Variants in ST6GALNAC3 observed in about 807,000 individuals in gnomAD.
ST6GALNAC3 encodes the protein alpha-N-acetylgalactosaminide alpha-2,6-sialyltransferase 3.
A neutral mutation model predicts 32.7 loss-of-function variants in ST6GALNAC3; 25 were observed. The observed-to-expected ratio is 0.76, with a 90% CI of 0.56 to 1.07. The LOEUF is 1.07. Among genes scored for constraint, ST6GALNAC3 ranks in the 50% least tolerant of loss-of-function variants. The probability of loss-of-function intolerance (pLI) is 0.00; values close to 1 mark genes in which losing one functional copy is unlikely to be tolerated. For missense variants in ST6GALNAC3, 355 were observed against 382.4 expected (o/e 0.93, Z 0.60); for synonymous variants, 129 against 133.1 (o/e 0.97, Z 0.21).
chr1:76,601,759 G>A (rs1012707521), intron 3 of ST6GALNAC3, among the ~76,000 whole-genome samples: 3 of 152,198 alleles, frequency 2.0e-5, no homozygotes, highest in African/African-American at 7.2e-5. Flanking sequence ...TAAGAAGGGG[G>A]AAGAAGCCTT....
chr1:76,075,999 C>G (rs912911431), intron 1 of ST6GALNAC3, among the ~76,000 whole-genome samples: 10 of 152,204 alleles, frequency 6.6e-5, no homozygotes, highest in Non-Finnish European at 1.5e-4. Flanking sequence ...AAATAAGAGA[C>G]TAACCTCGTA....
At chr1:76,233,532 G>A (rs1656485548) in intron 1 of ST6GALNAC3, among the ~76,000 whole-genome samples, 1 of 152,186 alleles carries the variant, frequency 6.6e-6, no homozygotes, top group South Asian at 2.1e-4. Flanking sequence ...CAAAGGGCAT[G>A]CACTGGTATG....
In ST6GALNAC3 at chr1:76,355,319, T is replaced by A. The variant is rs115569946; in HGVS notation, c.213+41320T>A. Among the ~76,000 whole-genome samples the A allele has an allele frequency of 3.1e-3, 470 of 152,364 alleles. 3 individuals are homozygous for A. The highest frequency in any genetic ancestry group is 0.01 in the African/African-American group (432 of 41,592). ...TTGTAAAGAAAGAAAATAGAAATTA[T>A]GTATATTCCTACCAAAGACAATTTC... On this transcript the variant is annotated intron_variant, in intron 2 of 4. Coordinates refer to ENST00000328299, the MANE Select transcript of ST6GALNAC3 (RefSeq NM_152996.4).
intron 3 of ST6GALNAC3, among the ~76,000 whole-genome samples, chr1:76,461,253 G>C (rs182655806): frequency 2.6e-5 from 4 of 152,246 alleles, no homozygotes; most frequent in Admixed American, 2.6e-4. Flanking sequence ...ATAGTGAACA[G>C]TTATCATTTG....
chr1:76,414,610 G>A (rs924499652), intron 3 of ST6GALNAC3, among the ~76,000 whole-genome samples: 1 of 152,006 alleles, frequency 6.6e-6, no homozygotes, highest in Non-Finnish European at 1.5e-5. Context: ...AACTTATAGA[G>A]ACACTAGTGG....
At chr1:76,517,832 G>T (rs1457208274) in intron 3 of ST6GALNAC3, among the ~76,000 whole-genome samples, 1 of 151,902 alleles carries the variant, frequency 6.6e-6, no homozygotes, top group East Asian at 1.9e-4. Flanking sequence ...TATGCAATTG[G>T]AGAGTTTTCT....
In ST6GALNAC3 at chr1:76,629,310, G is replaced by A; in HGVS notation, c.*504G>A. ...GCAAGTATCTTACTACTTAGCCTAA[G>A]GATGGGAAAATATCTCTTCCTAATA... On this transcript the variant is annotated 3_prime_UTR_variant, in exon 5 of 5. Transcript: ENST00000328299. 1 of 986,190 alleles carries A rather than the reference G, an allele frequency of 1.0e-6. No homozygotes were observed. 61.1% of individuals were successfully genotyped at this position (986,190 alleles called of 1,614,324 possible). A position where few individuals can be genotyped will look rare whatever the true frequency, so the allele number is the denominator to read the frequency against.
intron 1 of ST6GALNAC3, among the ~76,000 whole-genome samples, chr1:76,293,585 T>A (rs1660218733): frequency 6.6e-6 from 1 of 152,220 alleles, no homozygotes; most frequent in Middle Eastern, 3.2e-3. Context: ...AGGTGTCCTT[T>A]CCTGTTTATC....
At chr1:76,438,517 C>T (rs908497630) in intron 3 of ST6GALNAC3, among the ~76,000 whole-genome samples, 5 of 152,210 alleles carry the variant, frequency 3.3e-5, no homozygotes, top group African/African-American at 9.6e-5. Context: ...ATGAGATTCA[C>T]ATCTGTAGGT....
At chr1:76,426,403 A>G (rs1655387565) in intron 3 of ST6GALNAC3, among the ~76,000 whole-genome samples, 1 of 151,752 alleles carries the variant, frequency 6.6e-6, no homozygotes, top group African/African-American at 2.4e-5. Context: ...AGCATCACCA[A>G]TATCGCTGTC....
chr1:76,628,222 A>G (rs1404284687), intron 4 of ST6GALNAC3, among the ~76,000 whole-genome samples: 1 of 152,000 alleles, frequency 6.6e-6, no homozygotes, highest in East Asian at 1.9e-4. Context: ...TCTCAGCCAC[A>G]GTCTTCATGA....
intron 3 of ST6GALNAC3, among the ~76,000 whole-genome samples, chr1:76,510,391 G>A (rs887328296): frequency 6.6e-6 from 1 of 151,920 alleles, no homozygotes; most frequent in Non-Finnish European, 1.5e-5. Flanking sequence ...AAAAAAATGA[G>A]ACACAGCCTT....
At chr1:76,197,011 T>C (rs1654244320) in intron 1 of ST6GALNAC3, among the ~76,000 whole-genome samples, 1 of 152,224 alleles carries the variant, frequency 6.6e-6, no homozygotes, top group Admixed American at 6.5e-5. Context: ...TTTTCTAGCA[T>C]GTCCTATTTT....
chr1:76,167,442 A>G (rs1166561955), intron 1 of ST6GALNAC3, among the ~76,000 whole-genome samples: 2 of 152,138 alleles, frequency 1.3e-5, no homozygotes, highest in Admixed American at 1.3e-4. Flanking sequence ...ATTGGCCTGA[A>G]GATTCCTTTT....
At chr1:76,598,851 C>T (rs1647177474) in intron 3 of ST6GALNAC3, among the ~76,000 whole-genome samples, 1 of 152,122 alleles carries the variant, frequency 6.6e-6, no homozygotes, top group African/African-American at 2.4e-5. Context: ...CTACCATATG[C>T]TTCTTCCTAA....
chr1:76,587,500 G>A (rs775776944), intron 3 of ST6GALNAC3, among the ~76,000 whole-genome samples: 23 of 152,160 alleles, frequency 1.5e-4, no homozygotes, highest in Admixed American at 3.9e-4. Flanking sequence ...TCTGCTGCCC[G>A]TCCTGGCCCT....
intron 2 of ST6GALNAC3, among the ~76,000 whole-genome samples, chr1:76,354,401 T>A (rs942244601): frequency 1.3e-5 from 2 of 152,208 alleles, no homozygotes; most frequent in African/African-American, 4.8e-5. Context: ...AGAGACCTGT[T>A]TCTTCATTCA....
chr1:76,552,511 A>T (rs991618804), intron 3 of ST6GALNAC3, among the ~76,000 whole-genome samples: 1 of 152,160 alleles, frequency 6.6e-6, no homozygotes, highest in African/African-American at 2.4e-5. Context: ...CTAGTCAGCC[A>T]TCTTGAAGCC....
chr1:76,513,316 A>G (rs943758315), intron 3 of ST6GALNAC3, among the ~76,000 whole-genome samples: 1 of 152,110 alleles, frequency 6.6e-6, no homozygotes, highest in Non-Finnish European at 1.5e-5. Context: ...ATGTGGTGAG[A>G]AGTAAGGGTC....
Sources: gnomAD v4.1 joint callset for allele counts (sites outside exome capture counted in the v4.1 genomes callset) on GRCh38, gnomAD v4.1.1 for gene constraint, MANE v1.5 for transcripts, NCBI Gene and HGNC (gene_info 2026-07-23, HGNC 2026-07-21) for gene names.